The following GPR137C variants were observed in gnomAD, a reference collection of about 807,000 sequenced individuals.
GPR137C encodes the protein G protein-coupled receptor 137C.
Under a neutral mutation model 43.4 loss-of-function variants are expected in GPR137C, and 27 were observed. The observed-to-expected ratio is 0.62, with a 90% CI of 0.46 to 0.86. The LOEUF is 0.86. Ranked by LOEUF, GPR137C falls within the 40% of genes least tolerant of loss-of-function variation. GPR137C has a pLI of 0.00. For missense variants in GPR137C, 522 were observed against 534.6 expected, an observed-to-expected ratio of 0.98 and a Z score of 0.23; for synonymous variants, 285 against 226.9, an observed-to-expected ratio of 1.26 and a Z score of -2.30.
intron 3 of GPR137C, among the ~76,000 whole-genome samples, chr14:52,602,214 T>C (rs909346158): frequency 2.6e-5 from 4 of 151,976 alleles, no homozygotes; most frequent in African/African-American, 9.7e-5. Context: ...TTTTTGACTT[T>C]TGACTTCTAT....
intron 1 of GPR137C, among the ~76,000 whole-genome samples, chr14:52,583,985 T>G (rs1361088813): frequency 6.6e-6 from 1 of 152,190 alleles, no homozygotes; most frequent in East Asian, 1.9e-4. Context: ...TTCAGTTTAT[T>G]CTTTTATCTG....
At position 52,633,831 on chromosome 14, in the gene GPR137C, C is replaced by A. The variant is rs755218521; in HGVS notation, c.997C>A (p.Pro333Thr). The A allele has an allele frequency of 4.4e-6, 7 of 1,606,802 alleles. No homozygotes were observed. In the Admixed American group the frequency reaches 1.0e-4, roughly 23 times the overall value. ...CTATCTAATACTTTGTTCACAGGCA[C>A]CTGCTGGCATGATAAATAGTCACAG... Reference protein sequence around the residue: ...RAQRLNQNLAPAGMINSHSYS... With the variant: ...RAQRLNQNLATAGMINSHSYS... The change falls in exon 6 of 7, where the codon CCT becomes ACT. Residue 333 changes from proline to threonine, a missense_variant. Transcript: ENST00000321662.
intron 2 of GPR137C, among the ~76,000 whole-genome samples, chr14:52,599,851 A>G (rs745890347): frequency 1.7e-4 from 26 of 152,254 alleles, no homozygotes; most frequent in Non-Finnish European, 3.1e-4. Flanking sequence ...GGAAAGGTTA[A>G]TGTAAATATG....
rs866784840 is a variant in GPR137C at position 52,553,190 on chromosome 14, G to T, written c.43G>T (p.Ala15Ser). Residue 15 changes from alanine (A) to serine (S), a missense_variant, in exon 1 of 7, where the codon GCA becomes TCA. Ala to Ser is a moderately conservative substitution (Grantham distance 99). Around this residue, in one of 3 missense-constraint regions of GPR137C, gnomAD observed 437 missense variants for 425.7 expected, o/e 1.03. Coordinates refer to ENST00000321662, the MANE Select transcript of GPR137C (RefSeq NM_001099652.2). ...GGGTCCGGCGGCCGCTGCCGCCCCCGCAGCCGGCCGCGAGCCCTCCACGCC... is the reference window on the plus strand; with the variant it reads ...GGGTCCGGCGGCCGCTGCCGCCCCCTCAGCCGGCCGCGAGCCCTCCACGCC... ...VPGPAAAAAPAAGREPSTPGG... is the reference protein window; with the variant it reads ...VPGPAAAAAPSAGREPSTPGG... 52 of 1,205,390 alleles carry T rather than the reference G, an allele frequency of 4.3e-5. No homozygotes were observed. The African/African-American group carries it at 5.9e-4, about 14-fold the overall frequency. 74.7% of individuals were successfully genotyped at this position (1,205,390 alleles called of 1,614,324 possible). A position where few individuals can be genotyped will look rare whatever the true frequency, so the allele number is the denominator to read the frequency against.
chr14:52,616,105 ATAT>A (rs2039095971), intron 3 of GPR137C, among the ~76,000 whole-genome samples: 2 of 152,188 alleles, frequency 1.3e-5, no homozygotes, highest in South Asian at 4.1e-4. Context: ...TAATCTTGTA[ATAT>A]TATAGCAAAA....
chr14:52,584,828 T>C (rs1275628950), intron 1 of GPR137C, among the ~76,000 whole-genome samples: 1 of 152,100 alleles, frequency 6.6e-6, no homozygotes, highest in South Asian at 2.1e-4. Flanking sequence ...CTCAAACTAC[T>C]GGCCCCAAGC....
chr14:52,628,414 A>C (rs2039255006), intron 3 of GPR137C, among the ~76,000 whole-genome samples: 1 of 152,226 alleles, frequency 6.6e-6, no homozygotes, highest in South Asian at 2.1e-4. Context: ...AAAAGAAAAC[A>C]GGGTAGTTGC....
intron 3 of GPR137C, among the ~76,000 whole-genome samples, chr14:52,617,903 A>T (rs1012021872): frequency 2.0e-5 from 3 of 152,290 alleles, no homozygotes; most frequent in South Asian, 2.1e-4. Context: ...GGATTAAATT[A>T]AAAAATACAT....
chr14:52,557,935 A>G (rs1487907606), intron 1 of GPR137C, among the ~76,000 whole-genome samples: 2 of 152,022 alleles, frequency 1.3e-5, no homozygotes, highest in Admixed American at 6.6e-5. Flanking sequence ...AACCTTTTCC[A>G]CTGTCTAGCA....
In GPR137C at chr14:52,604,602, C is replaced by T. The variant is rs931802192; in HGVS notation, c.717+4261C>T. Among the ~76,000 whole-genome samples, 6 of 152,062 alleles carry T rather than the reference C, an allele frequency of 3.9e-5. No homozygotes were observed. In the East Asian group the frequency reaches 5.8e-4, roughly 15 times the overall value. ...CTGGAATTACAGGTGCTCACCACCA[C>T]GCCTGGCTAATTTTTTTGTATTTTT... On this transcript the variant is annotated intron_variant, in intron 3 of 6. Transcript: ENST00000321662.
Position 52,555,751 on chromosome 14 carries a change from T to TA in GPR137C, c.444+2165dup, listed in dbSNP as rs1312580868. Among the ~76,000 whole-genome samples, 20 of 152,324 alleles carry TA rather than the reference T, an allele frequency of 1.3e-4. No individual in the cohort carries two copies. The East Asian group carries it at 3.8e-3, about 29-fold the overall frequency. Reference sequence around the variant, plus strand: ...AGCTTTTTTCCTTTGTAATGCCTGCTAAAAAGAGTGTGAGTTGTTTGTCTA... The same window carrying TA: ...AGCTTTTTTCCTTTGTAATGCCTGCTAAAAAAGAGTGTGAGTTGTTTGTCTA... On this transcript the variant is annotated intron_variant, in intron 1 of 6. Coordinates refer to ENST00000321662, the MANE Select transcript of GPR137C (RefSeq NM_001099652.2).
intron 3 of GPR137C, among the ~76,000 whole-genome samples, chr14:52,631,742 G>A (rs1314639822): frequency 6.6e-6 from 1 of 152,016 alleles, no homozygotes. Flanking sequence ...AATAGCATAG[G>A]AACTCTATTT....
At chr14:52,604,751 A>AT (rs2038965881) in intron 3 of GPR137C, among the ~76,000 whole-genome samples, 2 of 152,072 alleles carry the variant, frequency 1.3e-5, no homozygotes, top group Non-Finnish European at 2.9e-5. Flanking sequence ...CACAGCCAAA[A>AT]TGGGGCTGTT....
intron 1 of GPR137C, among the ~76,000 whole-genome samples, chr14:52,593,658 T>C (rs2038812999): frequency 6.6e-6 from 1 of 152,244 alleles, no homozygotes; most frequent in Admixed American, 6.5e-5. Flanking sequence ...TTTGTAATTC[T>C]GTGGGATCGG....
intron 1 of GPR137C, among the ~76,000 whole-genome samples, chr14:52,556,192 C>T (rs986992349): frequency 1.3e-5 from 2 of 152,054 alleles, no homozygotes; most frequent in South Asian, 4.1e-4. Context: ...TATTAAATAC[C>T]AATTCCATAT....
intron 3 of GPR137C, among the ~76,000 whole-genome samples, chr14:52,609,720 A>G (rs900757287): frequency 1.3e-5 from 2 of 152,146 alleles, no homozygotes; most frequent in African/African-American, 4.8e-5. Flanking sequence ...GGGAAGACAC[A>G]AGGAAGGTAC....
chr14:52,575,286 T>C (rs915198614), intron 1 of GPR137C, among the ~76,000 whole-genome samples: 1 of 152,190 alleles, frequency 6.6e-6, no homozygotes, highest in African/African-American at 2.4e-5. Context: ...TCCCAGCTAC[T>C]CAGGGGGCTG....
chr14:52,567,338 A>G (rs2038386605), intron 1 of GPR137C, among the ~76,000 whole-genome samples: 1 of 152,232 alleles, frequency 6.6e-6, no homozygotes, highest in South Asian at 2.1e-4. Context: ...TATTTTAGAA[A>G]AAAAGAAAAG....
intron 2 of GPR137C, among the ~76,000 whole-genome samples, chr14:52,599,438 T>C (rs2139524967): frequency 6.6e-6 from 1 of 151,058 alleles, no homozygotes; most frequent in East Asian, 1.9e-4. Flanking sequence ...TTTTTCCTTT[T>C]TTTTTTTTTT....
Sources: allele counts gnomAD v4.1 joint callset (sites outside exome capture counted in the v4.1 genomes callset), GRCh38; gene constraint gnomAD v4.1.1; regional missense constraint gnomAD v4.1.1; transcripts MANE v1.5; gene names NCBI Gene and HGNC (gene_info 2026-07-23, HGNC 2026-07-21).